MCU: variants seen among roughly 807,000 people sequenced by gnomAD.
MCU encodes mitochondrial calcium uniporter.
MCU carries 12 observed loss-of-function variants against 45.2 expected under a neutral mutation model. The observed-to-expected ratio is 0.27, with a 90% CI of 0.17 to 0.43. The LOEUF (loss-of-function observed/expected upper bound fraction) is 0.43. Ranked by LOEUF, MCU falls within the 20% of genes least tolerant of loss-of-function variation. MCU has a pLI of 1.00. For missense variants in MCU, 324 were observed against 436.7 expected (o/e 0.74, Z 2.30); for synonymous variants, 160 against 165.1 (o/e 0.97, Z 0.24).
chr10:72,835,914 A>G (rs1214730307), intron 2 of MCU, among the ~76,000 whole-genome samples: 3 of 152,198 alleles, frequency 2.0e-5, no homozygotes, highest in Non-Finnish European at 4.4e-5. Flanking sequence ...CAAGAGCCAG[A>G]GGACCATAAT....
At chr10:72,822,979 A>G (rs2132818282) in intron 1 of MCU, among the ~76,000 whole-genome samples, 1 of 152,340 alleles carries the variant, frequency 6.6e-6, no homozygotes, top group South Asian at 2.1e-4. Flanking sequence ...ATGTTATCAG[A>G]GTTCCCATGG....
chr10:72,842,142 G>A (rs1002723035), intron 2 of MCU, among the ~76,000 whole-genome samples: 6 of 152,172 alleles, frequency 3.9e-5, no homozygotes, highest in Non-Finnish European at 8.8e-5. Context: ...GCTGGGCGTG[G>A]TGGCGCACAC....
chr10:72,723,373 A>T, intron 1 of MCU, among the ~76,000 whole-genome samples: 1 of 152,108 alleles, frequency 6.6e-6, no homozygotes. Context: ...TTTTTAAAAA[A>T]TTTCTTTCTA....
At chr10:72,851,361 C>T (rs1269080130) in intron 2 of MCU, among the ~76,000 whole-genome samples, 1 of 152,168 alleles carries the variant, frequency 6.6e-6, no homozygotes, top group Non-Finnish European at 1.5e-5. Context: ...TGCCCACTGC[C>T]TAGATAGAAC....
chr10:72,815,904 C>T (rs1014254064), intron 1 of MCU, among the ~76,000 whole-genome samples: 9 of 151,992 alleles, frequency 5.9e-5, no homozygotes, highest in Admixed American at 6.6e-5. Flanking sequence ...AAATAAATAA[C>T]AAATCAGGTG....
At chr10:72,785,734 G>T (rs1844062357) in intron 1 of MCU, among the ~76,000 whole-genome samples, 5 of 152,084 alleles carry the variant, frequency 3.3e-5, no homozygotes. Flanking sequence ...TTTCATCTTG[G>T]TTTAATTTGC....
intron 1 of MCU, among the ~76,000 whole-genome samples, chr10:72,806,518 G>T (rs1844454215): frequency 2.0e-5 from 3 of 152,160 alleles, no homozygotes; most frequent in South Asian, 4.1e-4. Flanking sequence ...ATTCAAATAT[G>T]CAGTGGTTAT....
intron 1 of MCU, among the ~76,000 whole-genome samples, chr10:72,818,993 G>A (rs906788559): frequency 1.3e-5 from 2 of 152,000 alleles, no homozygotes; most frequent in Non-Finnish European, 2.9e-5. Context: ...ATAAACAGAT[G>A]CCAGTTTTTA....
intron 1 of MCU, among the ~76,000 whole-genome samples, chr10:72,725,617 G>A (rs1011481027): frequency 4.6e-5 from 7 of 152,114 alleles, no homozygotes; most frequent in South Asian, 2.1e-4. Flanking sequence ...GGCCGGGTGC[G>A]GTGGCTCACG....
intron 1 of MCU, among the ~76,000 whole-genome samples, chr10:72,819,084 A>G (rs1028892839): frequency 2.6e-5 from 4 of 152,198 alleles, no homozygotes; most frequent in Non-Finnish European, 5.9e-5. Flanking sequence ...TGACATTTGA[A>G]ATTTTCAAGG....
At chr10:72,858,241 T>C (rs147562039) in intron 2 of MCU, among the ~76,000 whole-genome samples, 1 of 152,306 alleles carries the variant, frequency 6.6e-6, no homozygotes, top group East Asian at 1.9e-4. Context: ...GAGAAATGTG[T>C]GTATGCACAA....
At chr10:72,735,715 T>G (rs1843244000) in intron 1 of MCU, among the ~76,000 whole-genome samples, 2 of 152,164 alleles carry the variant, frequency 1.3e-5, no homozygotes, top group South Asian at 4.1e-4. Flanking sequence ...TGTCACAAGA[T>G]TTGTTCAAGC....
At chr10:72,751,395 C>T (rs1428626165) in intron 1 of MCU, among the ~76,000 whole-genome samples, 2 of 109,162 alleles carry the variant, frequency 1.8e-5, no homozygotes, top group Non-Finnish European at 3.6e-5. Context: ...ATTCTGTTTC[C>T]CCGGGCTAGA....
chr10:72,822,316 A>T (rs1455994385), intron 1 of MCU, among the ~76,000 whole-genome samples: 1 of 152,164 alleles, frequency 6.6e-6, no homozygotes, highest in East Asian at 1.9e-4. Context: ...GATCAAGAAA[A>T]AGTAGTCATA....
At position 72,704,704 on chromosome 10, in the gene MCU, ATTTTTTT is replaced by A. The variant is rs1162093579; in HGVS notation, c.150+12425_150+12431del. 6.9e-3 allele frequency among the ~76,000 whole-genome samples: 741 copies of A among 106,724 alleles called. 8 individuals are homozygous for A. The highest frequency in any genetic ancestry group is 0.029 in the African/African-American group (664 of 22,796). The allele number at this position is 106,724 out of a possible 152,430, so 70.0% of individuals were successfully genotyped here. On this transcript the variant is annotated intron_variant, in intron 1 of 7. Coordinates refer to ENST00000373053, the MANE Select transcript of MCU (RefSeq NM_138357.3). ...AGGCATGCACTGTCATGCCTGGATA[ATTTTTTT>A]TTTTTTTTTTTTTTTTTTTTTGAGA...
chr10:72,740,700 G>A (rs186185989), intron 1 of MCU, among the ~76,000 whole-genome samples: 3 of 152,332 alleles, frequency 2.0e-5, no homozygotes, highest in Admixed American at 2.0e-4. Flanking sequence ...TGTAGTACAA[G>A]GGTTGAGTTC....
chr10:72,733,471 C>T (rs967296383), intron 1 of MCU, among the ~76,000 whole-genome samples: 5 of 152,030 alleles, frequency 3.3e-5, no homozygotes, highest in Non-Finnish European at 7.4e-5. Context: ...ACAACAACAA[C>T]AAAAACTATC....
rs562907788 is a variant in MCU, at chr10:72,793,155, G to A, written c.151-41204G>A. Among the ~76,000 whole-genome samples the A allele has an allele frequency of 1.9e-3, 293 of 152,272 alleles. 3 individuals carry two copies. The highest frequency in any genetic ancestry group is 8.2e-4 in the Non-Finnish European group (56 of 68,028). ...GCCTCCCAAAGTGCTGGGATTACAGGTGTGAGCCACCGTGCCTGGCCTGAT... is the reference window on the plus strand; with the variant it reads ...GCCTCCCAAAGTGCTGGGATTACAGATGTGAGCCACCGTGCCTGGCCTGAT... On this transcript the variant is annotated intron_variant, in intron 1 of 7. Coordinates refer to ENST00000373053, the MANE Select transcript of MCU (RefSeq NM_138357.3).
intron 1 of MCU, among the ~76,000 whole-genome samples, chr10:72,718,478 C>T (rs898036085): frequency 2.0e-5 from 3 of 152,102 alleles, no homozygotes; most frequent in South Asian, 2.1e-4. Flanking sequence ...AGTTTTTTCC[C>T]GCTGAAAGTA....
Sources: allele counts gnomAD v4.1 joint callset (sites outside exome capture counted in the v4.1 genomes callset), GRCh38; gene constraint gnomAD v4.1.1; transcripts MANE v1.5; gene names NCBI Gene and HGNC (gene_info 2026-07-23, HGNC 2026-07-21).